KATNAL1: variants seen among roughly 807,000 people sequenced by gnomAD.
KATNAL1 encodes the protein katanin p60 ATPase-containing subunit A-like 1.
In KATNAL1, 32 loss-of-function variants were observed where a neutral mutation model predicts 55.2. The ratio of observed to expected loss-of-function variants is 0.58; its 90% confidence interval spans 0.44 to 0.78. The LOEUF (loss-of-function observed/expected upper bound fraction) is 0.78. Among genes scored for constraint, KATNAL1 ranks in the 30% least tolerant of loss-of-function variants. KATNAL1 has a pLI of 0.00. For synonymous variants in KATNAL1, 193 were observed against 193.6 expected (o/e 1.00, Z 0.02); for missense variants, 466 against 600.9 (o/e 0.78, Z 2.35).
At chr13:30,302,775 A>G (rs1258076266) in intron 1 of KATNAL1, among the ~76,000 whole-genome samples, 7 of 152,246 alleles carry the variant, frequency 4.6e-5, no homozygotes, top group Admixed American at 4.6e-4. Flanking sequence ...GAGAGGGGCC[A>G]GATCTTATTC....
At chr13:30,227,586 C>G in intron 8 of KATNAL1, 40 bp from the exon 9 acceptor site, 1 of 1,579,356 alleles carries the variant, frequency 6.3e-7, no homozygotes, top group Non-Finnish European at 8.6e-7. Flanking sequence ...GTTTTTCTTA[C>G]AACTCTTTAT....
intron 4 of KATNAL1, among the ~76,000 whole-genome samples, chr13:30,251,192 T>A (rs1878270731): frequency 6.6e-6 from 1 of 151,862 alleles, no homozygotes; most frequent in Non-Finnish European, 1.5e-5. Flanking sequence ...AAATTAAGGT[T>A]ACAAAACAAA....
chr13:30,280,169 A>C lies in KATNAL1; in HGVS notation c.217T>G (p.Leu73Val). The C allele has an allele frequency of 6.2e-7, 1 of 1,613,216 alleles. No individual in the cohort carries two copies. Among genetic ancestry groups the C allele is most frequent in the African/African-American group, 1.3e-5 (1 of 74,924 alleles). The change falls in exon 3 of 11, where the codon TTA (leucine) becomes GTA (valine). Residue 73 changes from leucine (L) to valine (V), a missense_variant. Around this residue, in one of 3 missense-constraint regions of KATNAL1, gnomAD observed 248 missense variants for 275.5 expected, o/e 0.90. Coordinates refer to ENST00000380615, the MANE Select transcript of KATNAL1 (RefSeq NM_032116.5). ...YEQVKSIVSTLESFKIDKPPD... is the reference protein window; with the variant it reads ...YEQVKSIVSTVESFKIDKPPD... ...GGCTTGTCAATTTTAAAACTTTCTA[A>C]AGTGCTGACAATACTTTTAACTTGT...
At chr13:30,243,714 G>A (rs1241285256) in intron 4 of KATNAL1, among the ~76,000 whole-genome samples, 5 of 150,086 alleles carry the variant, frequency 3.3e-5, no homozygotes, top group African/African-American at 1.2e-4. Context: ...TCCAACAGAC[G>A]AATCAACTCA....
chr13:30,283,877 CTTTTTTTT>C (rs34524152), intron 1 of KATNAL1, 86 bp from the exon 2 acceptor site: 3 of 696,118 alleles, frequency 4.3e-6, no homozygotes, highest in African/African-American at 1.9e-5. Context: ...TTTAAAACTA[CTTTTTTTT>C]TTTTTTTTGA....
At chr13:30,296,552 T>C in intron 1 of KATNAL1, 2 of 734,826 alleles carry the variant, frequency 2.7e-6, no homozygotes, top group Non-Finnish European at 5.1e-6. Flanking sequence ...AGGGTGTCCT[T>C]TGCCAGATCA....
At chr13:30,278,515 G>GT (rs1881036398) in intron 3 of KATNAL1, among the ~76,000 whole-genome samples, 1 of 152,224 alleles carries the variant, frequency 6.6e-6, no homozygotes, top group African/African-American at 2.4e-5. Context: ...TTTGAGATTA[G>GT]TAGTCATCAA....
chr13:30,266,034 A>AAAG, intron 3 of KATNAL1, among the ~76,000 whole-genome samples: 1 of 149,422 alleles, frequency 6.7e-6, no homozygotes, highest in East Asian at 2.0e-4. Context: ...AAAAAAAAAA[A>AAAG]AAGTCTCACT....
At chr13:30,239,283 A>G (rs1877007997) in intron 6 of KATNAL1, among the ~76,000 whole-genome samples, 2 of 152,134 alleles carry the variant, frequency 1.3e-5, no homozygotes, top group African/African-American at 4.8e-5. Context: ...GGTGGCACGC[A>G]TCTGTAATTG....
chr13:30,242,296 T>C (rs913683168), intron 4 of KATNAL1, among the ~76,000 whole-genome samples: 2 of 152,180 alleles, frequency 1.3e-5, no homozygotes, highest in Non-Finnish European at 2.9e-5. Context: ...AATGTCCAAG[T>C]GGCTGGAAAG....
At chr13:30,293,881 A>G (rs1183720486) in intron 1 of KATNAL1, among the ~76,000 whole-genome samples, 2 of 152,212 alleles carry the variant, frequency 1.3e-5, no homozygotes, top group African/African-American at 4.8e-5. Flanking sequence ...TCTATGTCAC[A>G]TTTTGGTAAT....
intron 3 of KATNAL1, among the ~76,000 whole-genome samples, chr13:30,269,495 C>T (rs1294163784): frequency 6.6e-6 from 1 of 152,184 alleles, no homozygotes; most frequent in African/African-American, 2.4e-5. Context: ...GCCGCCACCC[C>T]GTCTAGGAAG....
chr13:30,255,246 A>G (rs117490046), intron 4 of KATNAL1, among the ~76,000 whole-genome samples: 3,468 of 152,346 alleles, frequency 0.023, 70 homozygotes, highest in Non-Finnish European at 0.035. Context: ...GTATGTGTAT[A>G]TAGATATTTA....
chr13:30,260,491 A>C (rs1317699222), intron 3 of KATNAL1, among the ~76,000 whole-genome samples: 1 of 152,216 alleles, frequency 6.6e-6, no homozygotes, highest in Non-Finnish European at 1.5e-5. Context: ...AGAAGAATGT[A>C]TAACTAGAAT....
At chr13:30,243,979 G>A (rs572788967) in intron 4 of KATNAL1, among the ~76,000 whole-genome samples, 14 of 151,946 alleles carry the variant, frequency 9.2e-5, no homozygotes, top group African/African-American at 1.9e-4. Flanking sequence ...TGTGCAGAAC[G>A]TGCAGGTTTG....
chr13:30,262,457 T>C (rs1389764415), intron 3 of KATNAL1, among the ~76,000 whole-genome samples: 1 of 151,826 alleles, frequency 6.6e-6, no homozygotes, highest in Admixed American at 6.6e-5. Context: ...ATCAAAAAAA[T>C]GGATAGACCG....
chr13:30,282,807 T>G (rs1881467027), intron 2 of KATNAL1, among the ~76,000 whole-genome samples: 1 of 148,012 alleles, frequency 6.8e-6, no homozygotes, highest in Non-Finnish European at 1.5e-5. Context: ...TAGAAAAAAT[T>G]AGCCAGGCGT....
chr13:30,306,461 G>A (rs56034729), intron 1 of KATNAL1, among the ~76,000 whole-genome samples: 1 of 148,608 alleles, frequency 6.7e-6, no homozygotes, highest in African/African-American at 2.5e-5. Flanking sequence ...CAAGGGGGGG[G>A]TGGGGTGGAG....
At chr13:30,287,737 T>C (rs1881885646) in intron 1 of KATNAL1, among the ~76,000 whole-genome samples, 1 of 152,202 alleles carries the variant, frequency 6.6e-6, no homozygotes, top group African/African-American at 2.4e-5. Flanking sequence ...CTCTATAAAT[T>C]ATTTCCCTTT....
Sources: allele counts gnomAD v4.1 joint callset (sites outside exome capture counted in the v4.1 genomes callset), GRCh38; gene constraint gnomAD v4.1.1; regional missense constraint gnomAD v4.1.1; transcripts MANE v1.5; gene names NCBI Gene and HGNC (gene_info 2026-07-23, HGNC 2026-07-21).